GLUD1: variants seen among roughly 807,000 people sequenced by gnomAD.
GLUD1 encodes the protein glutamate dehydrogenase 1, also known as glutamate dehydrogenase 1, mitochondrial.
A neutral mutation model predicts 56.0 loss-of-function variants in GLUD1; 22 were observed. The observed-to-expected ratio is 0.39, with a 90% CI of 0.28 to 0.56. The LOEUF (loss-of-function observed/expected upper bound fraction) is 0.56, where lower values mean the gene tolerates loss of function less well. GLUD1 is among the 20% of genes least tolerant of loss of function. The pLI is 0.58. For synonymous variants in GLUD1, 223 were observed against 269.9 expected (o/e 0.83, Z 1.70); for missense variants, 451 against 732.0 (o/e 0.62, Z 4.43).
chr10:87,084,439 C>T (rs544397373), intron 1 of GLUD1, among the ~76,000 whole-genome samples: 1 of 152,326 alleles, frequency 6.6e-6, no homozygotes, highest in African/African-American at 2.4e-5. Flanking sequence ...AAAGCAGAAA[C>T]TAGCTTAAGT....
chr10:87,061,070 C>G lies in GLUD1; in HGVS notation c.922-18G>C. The G allele has an allele frequency of 2.5e-6, 4 of 1,610,538 alleles. No homozygotes were observed. Among genetic ancestry groups the G allele is most frequent in the Non-Finnish European group, 3.4e-6 (4 of 1,176,834 alleles). Reference sequence around the variant, plus strand: ...CCAAATCCCTGTGAAGAACAATTACCCATAACACAAAAATTAAAGTCCTGG... The same window carrying G: ...CCAAATCCCTGTGAAGAACAATTACGCATAACACAAAAATTAAAGTCCTGG... On this transcript the variant is annotated intron_variant, in intron 6 of 12. Coordinates refer to ENST00000277865, the MANE Select transcript of GLUD1 (RefSeq NM_005271.5).
intron 10 of GLUD1, among the ~76,000 whole-genome samples, 171 bp downstream of exon 10, chr10:87,058,979 T>C (rs1204944162): frequency 1.3e-5 from 2 of 152,244 alleles, no homozygotes; most frequent in Admixed American, 6.5e-5. Context: ...AGAGTTAATA[T>C]CCAGAAAGAC....
At chr10:87,093,933 A>C in intron 1 of GLUD1, 5 of 1,355,418 alleles carry the variant, frequency 3.7e-6, no homozygotes, top group Non-Finnish European at 4.8e-6. Flanking sequence ...GGAGACTCAC[A>C]AAAGCCCAAG....
intron 12 of GLUD1, 79 bp downstream of exon 12, chr10:87,053,261 TAC>T: frequency 1.1e-6 from 1 of 887,154 alleles, no homozygotes; most frequent in Non-Finnish European, 1.9e-6. Context: ...TATCAGCACA[TAC>T]AGTCTGGCGG....
intron 6 of GLUD1, among the ~76,000 whole-genome samples, chr10:87,062,405 T>C (rs1484006140): frequency 1.3e-5 from 2 of 152,232 alleles, no homozygotes; most frequent in African/African-American, 4.8e-5. Flanking sequence ...AATATTTTGG[T>C]TGAATTTGGT....
chr10:87,094,662 C>T lies in GLUD1; in HGVS notation c.108G>A (p.Gln36=), dbSNP rs557978318. The T allele has an allele frequency of 1.3e-6, 2 of 1,574,040 alleles. No individual in the cohort carries two copies. Among genetic ancestry groups the T allele is most frequent in the Admixed American group, 1.8e-5 (1 of 55,010 alleles). Residue 36 remains glutamine (Q), a synonymous_variant, in exon 1 of 13, where the codon CAG becomes CAA. Coordinates refer to ENST00000277865, the MANE Select transcript of GLUD1 (RefSeq NM_005271.5). The surrounding 1 kb of genome is among the most constrained non-coding windows in gnomAD (Gnocchi z 6.6). ...GCCCCGGCTGCGGGGCGGCGGCGGGCTGTCCCCGGGCCCAGCCCAGCAACG... is the reference window on the plus strand; with the variant it reads ...GCCCCGGCTGCGGGGCGGCGGCGGGTTGTCCCCGGGCCCAGCCCAGCAACG... ...SAALLGWARG[Q]PAAAPQPGLA... is the part of the protein sequence containing the mutation.
intron 6 of GLUD1, among the ~76,000 whole-genome samples, chr10:87,062,093 C>A (rs1392563996): frequency 6.6e-6 from 1 of 151,994 alleles, no homozygotes; most frequent in African/African-American, 2.4e-5. Flanking sequence ...AATTTTTCTA[C>A]TTTTAGTAGA....
chr10:87,059,860 T>C (rs887699328), intron 9 of GLUD1, among the ~76,000 whole-genome samples: 2 of 152,252 alleles, frequency 1.3e-5, no homozygotes, highest in African/African-American at 2.4e-5. Context: ...AGGAATCATA[T>C]AGAAAATCTT....
chr10:87,071,251 G>A (rs1846230507), intron 4 of GLUD1, among the ~76,000 whole-genome samples: 1 of 151,914 alleles, frequency 6.6e-6, no homozygotes, highest in Non-Finnish European at 1.5e-5. Flanking sequence ...GGAGTACAAT[G>A]GCATGATCTC....
intron 11 of GLUD1, among the ~76,000 whole-genome samples, chr10:87,057,094 G>A (rs1448980103): frequency 6.6e-6 from 1 of 152,126 alleles, no homozygotes; most frequent in Non-Finnish European, 1.5e-5. Context: ...GGGTTCAAGT[G>A]ATTCTCCTGC....
At position 87,061,041 on chromosome 10, in the gene GLUD1, A is replaced by G. The variant is rs1296434208; in HGVS notation, c.933T>C (p.Asn311=). The stretch of plus-strand genomic sequence containing the variant: ...AATATCTCATAGAGTGTAGGCCCAC[A>G]TTACCAAATCCCTGTGAAGAACAAT... ...DKTFVVQGFG[N]VGLHSMRYLH... The change falls in exon 7 of 13, where the codon AAT becomes AAC. Residue 311 remains asparagine (N), a synonymous_variant. Coordinates refer to ENST00000277865, the MANE Select transcript of GLUD1 (RefSeq NM_005271.5). 2 of 1,613,744 alleles carry G rather than the reference A, an allele frequency of 1.2e-6. No homozygotes were observed. Among genetic ancestry groups the G allele is most frequent in the African/African-American group, 1.3e-5 (1 of 75,040 alleles).
At chr10:87,054,747 G>A (rs1383877040) in intron 11 of GLUD1, among the ~76,000 whole-genome samples, 1 of 152,216 alleles carries the variant, frequency 6.6e-6, no homozygotes, top group East Asian at 1.9e-4. Flanking sequence ...ACAGCATTTG[G>A]TAAGCTGAGG....
chr10:87,068,975 A>G (rs1846148462), intron 4 of GLUD1, among the ~76,000 whole-genome samples: 1 of 150,188 alleles, frequency 6.7e-6, no homozygotes, highest in African/African-American at 2.5e-5. Flanking sequence ...AATTAAATGA[A>G]ATATGGTATA....
chr10:87,091,633 G>T, intron 1 of GLUD1: 2 of 940,982 alleles, frequency 2.1e-6, no homozygotes, highest in Non-Finnish European at 2.5e-6. Context: ...ACTGGGAAAA[G>T]AAAAGCACAA....
At chr10:87,062,018 G>A (rs895818304) in intron 6 of GLUD1, among the ~76,000 whole-genome samples, 4 of 152,064 alleles carry the variant, frequency 2.6e-5, no homozygotes, top group Admixed American at 1.3e-4. Flanking sequence ...TCTTGACCTC[G>A]TGATCTGCCC....
intron 4 of GLUD1, among the ~76,000 whole-genome samples, chr10:87,071,279 G>A (rs192674613): frequency 5.1e-4 from 77 of 151,770 alleles, no homozygotes; most frequent in African/African-American, 1.7e-3. Flanking sequence ...TGCAACCTCC[G>A]CCTTCCAGGT....
At position 87,057,039 on chromosome 10, in the gene GLUD1, A is replaced by G. The variant is rs926083477; in HGVS notation, c.1494+652T>C. Reference sequence around the variant, plus strand: ...GGAGTATCTCTCTGTTGCTCAGGCTAGAGTGCAGTGGTGCAATCTCGGCTA... The same window carrying G: ...GGAGTATCTCTCTGTTGCTCAGGCTGGAGTGCAGTGGTGCAATCTCGGCTA... On this transcript the variant is annotated intron_variant, in intron 11 of 12. Transcript: ENST00000277865. Among the ~76,000 whole-genome samples the G allele has an allele frequency of 9.2e-5, 14 of 152,050 alleles. No homozygotes were observed. In the South Asian group the frequency reaches 1.0e-3, roughly 11 times the overall value.
At chr10:87,082,525 G>A (rs1292257863) in intron 1 of GLUD1, among the ~76,000 whole-genome samples, 1 of 152,206 alleles carries the variant, frequency 6.6e-6, no homozygotes, top group African/African-American at 2.4e-5. Context: ...GGAAGCACAG[G>A]AGGAGCTATA....
chr10:87,090,315 G>A (rs1238757778), intron 1 of GLUD1, among the ~76,000 whole-genome samples: 1 of 152,184 alleles, frequency 6.6e-6, no homozygotes, highest in Admixed American at 6.5e-5. Context: ...AACACTACAA[G>A]TTGTACTGAA....
Sources: gnomAD v4.1 joint callset for allele counts (sites outside exome capture counted in the v4.1 genomes callset) on GRCh38, gnomAD v4.1.1 for gene constraint, Gnocchi (gnomAD v3.1) non-coding constraint, MANE v1.5 for transcripts, NCBI Gene and HGNC (gene_info 2026-07-23, HGNC 2026-07-21) for gene names.